XPNPEP3: variants seen among roughly 807,000 people sequenced by gnomAD.
XPNPEP3 encodes the protein xaa-Pro aminopeptidase 3.
In XPNPEP3, 41 loss-of-function variants were observed where a neutral mutation model predicts 60.0. The ratio of observed to expected loss-of-function variants is 0.68; its 90% confidence interval spans 0.53 to 0.89. XPNPEP3 has a LOEUF of 0.89. Ranked by LOEUF, XPNPEP3 falls within the 40% of genes least tolerant of loss-of-function variation. The pLI is 0.00. For missense variants in XPNPEP3, 598 were observed against 638.9 expected, an observed-to-expected ratio of 0.94 and a Z score of 0.69; for synonymous variants, 212 against 223.2, an observed-to-expected ratio of 0.95 and a Z score of 0.45.
chr22:40,861,008 G>C, intron 1 of XPNPEP3: 1 of 1,493,042 alleles, frequency 6.7e-7, no homozygotes, highest in Admixed American at 2.2e-5. Flanking sequence ...TACAAAATTT[G>C]TGATTAACCA....
In XPNPEP3 at chr22:40,886,448, G is replaced by A. The variant is rs752721668; in HGVS notation, c.725G>A (p.Arg242His). 1.2e-5 allele frequency: 19 copies of A among 1,614,010 alleles called. No homozygotes were observed. Among genetic ancestry groups the A allele is most frequent in the East Asian group, 6.7e-5 (3 of 44,890 alleles). The change falls in exon 4 of 10, where the codon CGC (arginine) becomes CAC (histidine). Residue 242 changes from arginine (R) to histidine (H), a missense_variant. By Grantham distance (29) the Arg-to-His change is conservative. Coordinates refer to ENST00000357137, the MANE Select transcript of XPNPEP3 (RefSeq NM_022098.4). ...CGGGGTGTTCAGCAGCTGATACAGC[G>A]CCTCCGGCTGATCAAGTCTCCTGCA... is the stretch of plus-strand genomic sequence containing the variant. ...KVRGVQQLIQ[R>H]LRLIKSPAEI... is the part of the protein sequence containing the mutation.
At chr22:40,861,678 G>T in intron 1 of XPNPEP3, 4 of 1,614,104 alleles carry the variant, frequency 2.5e-6, no homozygotes, top group Non-Finnish European at 3.4e-6. Flanking sequence ...AAAAGAAAAT[G>T]GATCCCTTTC....
At position 40,882,028 on chromosome 22, in the gene XPNPEP3, A is replaced by C; in HGVS notation, c.440A>C (p.His147Pro). 2 of 1,614,110 alleles carry C rather than the reference A, an allele frequency of 1.2e-6. No homozygotes were observed. Among genetic ancestry groups the C allele is most frequent in the Non-Finnish European group, 1.7e-6 (2 of 1,180,010 alleles). The change falls in exon 3 of 10, where the codon CAC (histidine) becomes CCC (proline). Residue 147 changes from histidine (H) to proline (P), a missense_variant. Coordinates refer to ENST00000357137, the MANE Select transcript of XPNPEP3 (RefSeq NM_022098.4). ...CTCCCTGGCAAACAATTACCATCAC[A>C]CAAAGCCATACTTTTTGTGCCTCGG... Reference protein sequence around the residue: ...QSLPGKQLPSHKAILFVPRRD... With the variant: ...QSLPGKQLPSPKAILFVPRRD...
chr22:40,888,432 C>T, intron 4 of XPNPEP3: 3 of 441,074 alleles, frequency 6.8e-6, no homozygotes, highest in South Asian at 1.6e-5. Context: ...TTTGTAGAGA[C>T]AGGGTTTCTC....
At chr22:40,902,137 A>AT (rs1159265547) in intron 4 of XPNPEP3, among the ~76,000 whole-genome samples, 1 of 134,654 alleles carries the variant, frequency 7.4e-6, no homozygotes, top group Non-Finnish European at 1.5e-5. Flanking sequence ...TGGTGGCGTG[A>AT]TCTCGGCTCA....
At chr22:40,922,139 G>A (rs1399004404) in intron 7 of XPNPEP3, among the ~76,000 whole-genome samples, 194 bp from the exon 8 acceptor site, 1 of 152,106 alleles carries the variant, frequency 6.6e-6, no homozygotes, top group Non-Finnish European at 1.5e-5. Context: ...CCAGCTTGAA[G>A]GATTGTTGCC....
intron 4 of XPNPEP3, among the ~76,000 whole-genome samples, chr22:40,895,649 T>A (rs2058104980): frequency 6.6e-6 from 1 of 152,038 alleles, no homozygotes; most frequent in South Asian, 2.1e-4. Flanking sequence ...CTTTTTTAAA[T>A]TAAAAAATTT....
In XPNPEP3 at chr22:40,869,073, G is replaced by A. The variant is rs1275093110; in HGVS notation, c.139G>A (p.Gly47Ser). ...PERRIPNRYL[G>S]QPSPFTHPHL... Reference sequence around the variant, plus strand: ...AAGGAGGATTCCAAACCGATACTTAGGCCAGCCCAGCCCCTTTACACACCC... The same window carrying A: ...AAGGAGGATTCCAAACCGATACTTAAGCCAGCCCAGCCCCTTTACACACCC... The change falls in exon 2 of 10, where the codon GGC (glycine) becomes AGC (serine). Residue 47 changes from glycine to serine, a missense_variant. Transcript: ENST00000357137. 5.0e-6 allele frequency: 8 copies of A among 1,614,028 alleles called. No individual in the cohort carries two copies. The highest frequency in any genetic ancestry group is 4.4e-5 in the South Asian group (4 of 91,080).
At chr22:40,862,167 A>G in intron 1 of XPNPEP3, 1 of 1,420,590 alleles carries the variant, frequency 7.0e-7, no homozygotes, top group South Asian at 1.6e-5. Context: ...TTATGTGGCA[A>G]GCAGAGTTAC....
chr22:40,868,426 T>TGC (rs1276640685), intron 1 of XPNPEP3, among the ~76,000 whole-genome samples: 1 of 146,010 alleles, frequency 6.8e-6, no homozygotes, highest in African/African-American at 2.7e-5. Flanking sequence ...TATATATGTG[T>TGC]GCGTGTGTGT....
At chr22:40,875,826 C>T (rs2058025667) in intron 2 of XPNPEP3, among the ~76,000 whole-genome samples, 1 of 148,786 alleles carries the variant, frequency 6.7e-6, no homozygotes, top group Admixed American at 6.7e-5. Context: ...ACAGCCTGGC[C>T]AACGTAGCAA....
At chr22:40,899,877 ATTAAC>A (rs577602531) in intron 4 of XPNPEP3, among the ~76,000 whole-genome samples, 125 of 151,614 alleles carry the variant, frequency 8.2e-4, no homozygotes, top group African/African-American at 2.7e-3. Context: ...TTATCTAAAA[ATTAAC>A]TTAATTAGCC....
At position 40,913,914 on chromosome 22, in the gene XPNPEP3, G is replaced by A. The variant is rs1273625889; in HGVS notation, c.970-325G>A. Among the ~76,000 whole-genome samples, 9 of 152,278 alleles carry A rather than the reference G, an allele frequency of 5.9e-5. No homozygotes were observed. The South Asian group carries it at 1.9e-3, about 32-fold the overall frequency. The stretch of plus-strand genomic sequence containing the variant: ...AATCCCCGCACTTTGGGAGGCCGAG[G>A]CAGGCAGATCACCTGAGGTTGGGAG... On this transcript the variant is annotated intron_variant, in intron 6 of 9. Coordinates refer to ENST00000357137, the MANE Select transcript of XPNPEP3 (RefSeq NM_022098.4).
intron 2 of XPNPEP3, 73 bp from the exon 3 acceptor site, chr22:40,881,697 T>A: frequency 6.5e-7 from 1 of 1,531,782 alleles, no homozygotes; most frequent in Non-Finnish European, 9.0e-7. Flanking sequence ...AGTATTTCCA[T>A]CTAATATTAA....
chr22:40,857,776 A>G (rs1044567363), intron 1 of XPNPEP3, among the ~76,000 whole-genome samples: 1 of 152,268 alleles, frequency 6.6e-6, no homozygotes, highest in Non-Finnish European at 1.5e-5. Context: ...ATTGCGAGCA[A>G]TTAATCTGAT....
Position 40,907,618 on chromosome 22 carries a change from C to G in XPNPEP3, c.824C>G (p.Ala275Gly). 1.2e-6 allele frequency: 2 copies of G among 1,614,006 alleles called. No homozygotes were observed. Among genetic ancestry groups the G allele is most frequent in the Non-Finnish European group, 1.7e-6 (2 of 1,179,968 alleles). ...ATAGAAACCATGTTCACCAGTAAAG[C>G]CCCTGTGGAAGAAGCCTTTCTTTAT... ...AFIETMFTSKAPVEEAFLYAK... is the reference protein window; with the variant it reads ...AFIETMFTSKGPVEEAFLYAK... The change falls in exon 5 of 10, where the codon GCC becomes GGC. Residue 275 changes from alanine (A) to glycine (G), a missense_variant. Transcript: ENST00000357137.
At chr22:40,868,676 T>G (rs982505720) in intron 1 of XPNPEP3, among the ~76,000 whole-genome samples, 3 of 151,918 alleles carry the variant, frequency 2.0e-5, no homozygotes, top group African/African-American at 7.3e-5. Flanking sequence ...CCAACAGGAT[T>G]AAACCCCGTC....
intron 1 of XPNPEP3, chr22:40,859,893 G>A (rs769379906): frequency 3.3e-5 from 5 of 152,088 alleles, no homozygotes; most frequent in African/African-American, 4.8e-5. Flanking sequence ...CTATTTTAGA[G>A]TAATGTATTT....
At chr22:40,922,575 C>CTA in intron 8 of XPNPEP3, 62 bp downstream of exon 8, 1 of 1,564,516 alleles carries the variant, frequency 6.4e-7, no homozygotes, top group East Asian at 2.2e-5. Flanking sequence ...GGTTTTTACC[C>CTA]TATATAAAGC....
Sources: allele counts gnomAD v4.1 joint callset (sites outside exome capture counted in the v4.1 genomes callset), GRCh38; gene constraint gnomAD v4.1.1; transcripts MANE v1.5; gene names NCBI Gene and HGNC (gene_info 2026-07-23, HGNC 2026-07-21).